ATRNL1: variants seen among roughly 807,000 people sequenced by gnomAD.
ATRNL1 encodes attractin like 1.
ATRNL1 carries 95 observed loss-of-function variants against 182.7 expected under a neutral mutation model. The ratio of observed to expected loss-of-function variants is 0.52; its 90% CI spans 0.44 to 0.62. The LOEUF (loss-of-function observed/expected upper bound fraction) is 0.62. Ranked by LOEUF, ATRNL1 falls within the 20% of genes least tolerant of loss-of-function variation. The probability of loss-of-function intolerance (pLI) is 0.00; values close to 1 mark genes in which losing one functional copy is unlikely to be tolerated. For missense variants in ATRNL1, 1,471 were observed against 1,679.5 expected (o/e 0.88, Z 2.17); for synonymous variants, 576 against 568.3 (o/e 1.01, Z -0.19).
intron 27 of ATRNL1, among the ~76,000 whole-genome samples, chr10:115,828,162 A>G (rs1253948060): frequency 2.0e-5 from 3 of 152,148 alleles, no homozygotes; most frequent in East Asian, 1.9e-4. Flanking sequence ...TACTAAAAAT[A>G]CAAAATTAGC....
intron 24 of ATRNL1, among the ~76,000 whole-genome samples, chr10:115,490,023 C>A (rs1849219251): frequency 1.3e-5 from 2 of 152,114 alleles, no homozygotes; most frequent in African/African-American, 4.8e-5. Flanking sequence ...GTTGAAAATT[C>A]TTTTCTTTAA....
chr10:115,125,901 G>A (rs1176699511), intron 3 of ATRNL1, among the ~76,000 whole-genome samples: 1 of 152,074 alleles, frequency 6.6e-6, no homozygotes, highest in Admixed American at 6.6e-5. Flanking sequence ...GCCTGGGCAG[G>A]CCTTCAAGCT....
At chr10:115,151,499 T>C (rs1420947965) in intron 5 of ATRNL1, among the ~76,000 whole-genome samples, 14 of 152,238 alleles carry the variant, frequency 9.2e-5, no homozygotes, top group African/African-American at 3.1e-4. Context: ...TTCATGTGTC[T>C]GTTGACTGCC....
chr10:115,321,538 G>C (rs531147898), intron 18 of ATRNL1, among the ~76,000 whole-genome samples: 1 of 151,800 alleles, frequency 6.6e-6, no homozygotes, highest in Admixed American at 6.6e-5. Context: ...ACTTTCATTT[G>C]TTTTTATGAT....
chr10:115,667,956 C>T (rs961335553), intron 26 of ATRNL1, among the ~76,000 whole-genome samples: 1 of 152,016 alleles, frequency 6.6e-6, no homozygotes, highest in East Asian at 1.9e-4. Flanking sequence ...TGAGCCACCA[C>T]ACCTGGACCA....
At chr10:115,591,138 CAT>C (rs1384251201) in intron 26 of ATRNL1, among the ~76,000 whole-genome samples, 94 of 152,320 alleles carry the variant, frequency 6.2e-4, no homozygotes, top group African/African-American at 1.6e-3. Context: ...TACACACTAA[CAT>C]GTGAGTACAC....
intron 9 of ATRNL1, among the ~76,000 whole-genome samples, chr10:115,230,488 C>A (rs1400391744): frequency 6.6e-6 from 1 of 151,948 alleles, no homozygotes; most frequent in Admixed American, 6.6e-5. Context: ...CTAGTGTAGT[C>A]GAATGTCTTG....
In ATRNL1 at chr10:115,944,288, A is replaced by G. The variant is rs1365190244; in HGVS notation, c.4019-370A>G. ...TTAACATGACTAGTTTTGTTCCTAA[A>G]AAAAAAAAAAAAAAATAGTAACATT... On this transcript the variant is annotated intron_variant, in intron 28 of 28. Coordinates refer to ENST00000355044, the MANE Select transcript of ATRNL1 (RefSeq NM_207303.4). 2.2e-4 allele frequency among the ~76,000 whole-genome samples: 3 copies of G among 13,746 alleles called. No homozygotes were observed. In the South Asian group the frequency reaches 0.022, roughly 100 times the overall value. The allele number at this position is 13,746 out of a possible 152,430, so 9.0% of individuals were successfully genotyped here.
intron 24 of ATRNL1, among the ~76,000 whole-genome samples, chr10:115,488,292 A>T (rs782591973): frequency 2.0e-5 from 3 of 152,214 alleles, no homozygotes; most frequent in Non-Finnish European, 4.4e-5. Flanking sequence ...TTTCAGAAGG[A>T]ATGGTACCAG....
At chr10:115,422,225 C>T (rs1592633880) in intron 20 of ATRNL1, among the ~76,000 whole-genome samples, 1 of 152,110 alleles carries the variant, frequency 6.6e-6, no homozygotes, top group Non-Finnish European at 1.5e-5. Context: ...TTCTGCATGG[C>T]AAACAAAACT....
Position 115,093,459 on chromosome 10 carries a change from C to T in ATRNL1, c.-292C>T, listed in dbSNP as rs1371470928. 7 of 556,458 alleles carry T rather than the reference C, an allele frequency of 1.3e-5. No homozygotes were observed. In the Admixed American group the frequency reaches 1.8e-4, roughly 14 times the overall value. 34.5% of individuals were successfully genotyped at this position (556,458 alleles called of 1,614,324 possible). ...CAGGAGCGCCGGGCGCAGTCTGCGC[C>T]TCCCGCTCCCCGCCTCCGGCCGGGT... On this transcript the variant is annotated 5_prime_UTR_variant, in exon 1 of 29. Coordinates refer to ENST00000355044, the MANE Select transcript of ATRNL1 (RefSeq NM_207303.4). The surrounding 1 kb of genome is among the most constrained non-coding windows in gnomAD (Gnocchi z 6.1).
At chr10:115,465,497 T>A (rs1262293877) in intron 22 of ATRNL1, among the ~76,000 whole-genome samples, 2 of 151,814 alleles carry the variant, frequency 1.3e-5, no homozygotes, top group South Asian at 2.1e-4. Flanking sequence ...TGTTCACTTA[T>A]ATCTTAAAAG....
chr10:115,349,427 T>A (rs1856127950), intron 19 of ATRNL1, among the ~76,000 whole-genome samples: 2 of 152,360 alleles, frequency 1.3e-5, no homozygotes, highest in South Asian at 2.1e-4. Context: ...ATCATGGATA[T>A]GCAGATATTT....
chr10:115,108,054 T>G (rs1844094835), intron 1 of ATRNL1, among the ~76,000 whole-genome samples: 1 of 152,226 alleles, frequency 6.6e-6, no homozygotes, highest in South Asian at 2.1e-4. Flanking sequence ...AATCCCCTTA[T>G]GCAAGGGTTC....
At chr10:115,366,644 C>T (rs1248261121) in intron 19 of ATRNL1, among the ~76,000 whole-genome samples, 4 of 150,842 alleles carry the variant, frequency 2.7e-5, no homozygotes, top group African/African-American at 9.8e-5. Flanking sequence ...CATGATTTTG[C>T]AGCGGCTGGT....
intron 26 of ATRNL1, among the ~76,000 whole-genome samples, chr10:115,655,465 C>G (rs1207271017): frequency 6.6e-6 from 1 of 152,040 alleles, no homozygotes; most frequent in Non-Finnish European, 1.5e-5. Context: ...GTTTGAAGGA[C>G]CCTAAGGAAT....
At chr10:115,233,305 C>G (rs1850037148) in intron 9 of ATRNL1, among the ~76,000 whole-genome samples, 1 of 152,152 alleles carries the variant, frequency 6.6e-6, no homozygotes. Context: ...AGTATTCATT[C>G]AACCAGTACA....
At chr10:115,847,786 C>T (rs782765334) in intron 27 of ATRNL1, 91 bp from the exon 28 acceptor site, 2 of 725,398 alleles carry the variant, frequency 2.8e-6, no homozygotes, top group South Asian at 1.6e-5. Flanking sequence ...TAGGAATGTA[C>T]AGCACAGCTA....
At chr10:115,846,175 T>G (rs887676235) in intron 27 of ATRNL1, among the ~76,000 whole-genome samples, 1 of 152,096 alleles carries the variant, frequency 6.6e-6, no homozygotes, top group African/African-American at 2.4e-5. Context: ...AGCATTTTCT[T>G]GGAACATTTT....
Sources: gnomAD v4.1 joint callset for allele counts (sites outside exome capture counted in the v4.1 genomes callset) on GRCh38, gnomAD v4.1.1 for gene constraint, Gnocchi (gnomAD v3.1) non-coding constraint, MANE v1.5 for transcripts, NCBI Gene and HGNC (gene_info 2026-07-23, HGNC 2026-07-21) for gene names.